The following BEND6 variants were observed in gnomAD, a reference collection of about 807,000 sequenced individuals.
BEND6 encodes the protein BEN domain containing 6.
In BEND6, 24 loss-of-function variants were observed where a neutral mutation model predicts 31.8. That is an observed-to-expected ratio of 0.75 (90% confidence interval 0.55 to 1.06). BEND6 has a LOEUF of 1.06. Ranked by LOEUF, BEND6 falls within the 50% of genes least tolerant of loss-of-function variation. The probability of loss-of-function intolerance (pLI) is 0.00; values close to 1 mark genes in which losing one functional copy is unlikely to be tolerated. For synonymous variants in BEND6, 109 were observed against 114.6 expected (o/e 0.95, Z 0.31); for missense variants, 294 against 327.4 (o/e 0.90, Z 0.79).
At chr6:56,976,143 T>C (rs1051355445) in intron 1 of BEND6, 10 of 242,144 alleles carry the variant, frequency 4.1e-5, no homozygotes, top group Non-Finnish European at 6.6e-5. Context: ...TTTTTTATTA[T>C]CAGTGCATGC....
intron 1 of BEND6, among the ~76,000 whole-genome samples, chr6:56,974,242 G>A (rs1476441868): frequency 6.6e-6 from 1 of 152,078 alleles, no homozygotes; most frequent in Non-Finnish European, 1.5e-5. Context: ...CAGATGGCCT[G>A]CCCCCCAGAA....
intron 1 of BEND6, among the ~76,000 whole-genome samples, chr6:56,971,813 A>T (rs1454339725): frequency 6.6e-6 from 1 of 152,046 alleles, no homozygotes; most frequent in Non-Finnish European, 1.5e-5. Context: ...TTTTTGAATC[A>T]TTTTTTTGTT....
chr6:57,015,940 C>G (rs1288192227), intron 4 of BEND6, among the ~76,000 whole-genome samples: 3 of 151,940 alleles, frequency 2.0e-5, no homozygotes, highest in African/African-American at 7.3e-5. Context: ...GAACCAAAGG[C>G]ATAAAACTGT....
At chr6:57,025,613 CT>C (rs1376788737) in intron 6 of BEND6, among the ~76,000 whole-genome samples, 2 of 152,226 alleles carry the variant, frequency 1.3e-5, no homozygotes, top group African/African-American at 2.4e-5. Flanking sequence ...AACAGGCACT[CT>C]GATTTGGTGC....
intron 1 of BEND6, among the ~76,000 whole-genome samples, chr6:56,970,047 T>G (rs533676683): frequency 6.6e-6 from 1 of 152,292 alleles, no homozygotes; most frequent in East Asian, 1.9e-4. Context: ...ACTGAGACAG[T>G]GCATTGCATG....
rs1385069946 is a variant in BEND6, at chr6:57,008,409, C to A, written c.299-6724C>A. The A allele has an allele frequency of 8.3e-6, 5 of 599,108 alleles. No individual in the cohort carries two copies. The East Asian group carries it at 1.4e-4, about 17-fold the overall frequency. The allele number at this position is 599,108 out of a possible 1,614,324, so 37.1% of individuals were successfully genotyped here. A position where few individuals can be genotyped will look rare whatever the true frequency, so the allele number is the denominator to read the frequency against. On this transcript the variant is annotated intron_variant, in intron 3 of 6. Transcript: ENST00000370746. ...ATTTCCCTAGGTTTAACTATTTGCTCAATGTCAAGGCAGTGCTGTGGAAAT... is the reference window on the plus strand; with the variant it reads ...ATTTCCCTAGGTTTAACTATTTGCTAAATGTCAAGGCAGTGCTGTGGAAAT...
rs1826050265 is a variant in BEND6, at chr6:56,981,115, G to A, written c.-100-596G>A. Reference sequence around the variant, plus strand: ...AGGTGTGAGCCGTCATGCCCAGCCTGCTTTATCAGATTTTGATAAATGATT... The same window carrying A: ...AGGTGTGAGCCGTCATGCCCAGCCTACTTTATCAGATTTTGATAAATGATT... On this transcript the variant is annotated intron_variant, in intron 1 of 6. Transcript: ENST00000370746. 2.0e-5 allele frequency among the ~76,000 whole-genome samples: 3 copies of A among 152,152 alleles called. No homozygotes were observed. In the South Asian group the frequency reaches 6.2e-4, roughly 32 times the overall value.
intron 3 of BEND6, among the ~76,000 whole-genome samples, chr6:56,998,463 GA>G (rs1168363464): frequency 2.0e-5 from 3 of 152,070 alleles, no homozygotes; most frequent in African/African-American, 7.2e-5. Context: ...GGATGTGAAA[GA>G]AAATAAGTGA....
chr6:56,964,922 C>T (rs574087679), intron 1 of BEND6, among the ~76,000 whole-genome samples: 1 of 152,278 alleles, frequency 6.6e-6, no homozygotes, highest in East Asian at 1.9e-4. Context: ...GAGATTCATC[C>T]CATTTCCTTG....
chr6:57,025,524 C>G (rs1447834535), intron 6 of BEND6, among the ~76,000 whole-genome samples: 1 of 152,172 alleles, frequency 6.6e-6, no homozygotes, highest in Non-Finnish European at 1.5e-5. Context: ...AGAGGATATC[C>G]TGGTTATGTG....
intron 6 of BEND6, among the ~76,000 whole-genome samples, chr6:57,022,973 G>A (rs1827796377): frequency 6.6e-6 from 1 of 152,018 alleles, no homozygotes; most frequent in Non-Finnish European, 1.5e-5. Flanking sequence ...TCATTCCATG[G>A]TGGTCATAAA....
chr6:57,009,809 G>T (rs1827283894), intron 3 of BEND6: 1 of 152,094 alleles, frequency 6.6e-6, no homozygotes, highest in Non-Finnish European at 1.5e-5. Context: ...GTTCACAGTG[G>T]TATTCAAAAA....
intron 1 of BEND6, among the ~76,000 whole-genome samples, chr6:56,978,666 T>G (rs1213728256): frequency 6.6e-6 from 1 of 152,220 alleles, no homozygotes; most frequent in Non-Finnish European, 1.5e-5. Context: ...TCATGGAACT[T>G]CAAATAGAAG....
chr6:56,967,395 C>T (rs1825520321), intron 1 of BEND6, among the ~76,000 whole-genome samples: 1 of 152,128 alleles, frequency 6.6e-6, no homozygotes, highest in Non-Finnish European at 1.5e-5. Flanking sequence ...GAGAGGGGCA[C>T]ATGAAATCTG....
At chr6:57,013,522 A>G (rs1335062486) in intron 3 of BEND6, among the ~76,000 whole-genome samples, 1 of 152,114 alleles carries the variant, frequency 6.6e-6, no homozygotes, top group Non-Finnish European at 1.5e-5. Flanking sequence ...TCAGTCTCTA[A>G]ATCATATGGT....
intron 1 of BEND6, among the ~76,000 whole-genome samples, chr6:56,963,979 T>C (rs902967175): frequency 7.5e-5 from 11 of 147,394 alleles, no homozygotes; most frequent in African/African-American, 2.2e-4. Flanking sequence ...TAATTAATAA[T>C]ATAAATAATT....
At chr6:56,957,087 T>C (rs1190470701) in intron 1 of BEND6, among the ~76,000 whole-genome samples, 1 of 152,218 alleles carries the variant, frequency 6.6e-6, no homozygotes, top group Non-Finnish European at 1.5e-5. Context: ...GTATTCAAAT[T>C]GCCCCAAACG....
At chr6:56,992,702 A>T in intron 3 of BEND6, 147 bp downstream of exon 3, 1 of 946,774 alleles carries the variant, frequency 1.1e-6, no homozygotes, top group Non-Finnish European at 1.5e-6. Flanking sequence ...ATCACTGATT[A>T]TATAATTTAA....
chr6:56,973,841 G>T (rs1465977420), intron 1 of BEND6, among the ~76,000 whole-genome samples: 1 of 152,158 alleles, frequency 6.6e-6, no homozygotes, highest in Non-Finnish European at 1.5e-5. Flanking sequence ...CACAGCCTCA[G>T]CTTCCCAGCT....
Sources: allele counts gnomAD v4.1 joint callset (sites outside exome capture counted in the v4.1 genomes callset), GRCh38; gene constraint gnomAD v4.1.1; transcripts MANE v1.5; gene names NCBI Gene and HGNC (gene_info 2026-07-23, HGNC 2026-07-21).